ELFN2: variants seen among roughly 807,000 people sequenced by gnomAD.
ELFN2 encodes the protein protein phosphatase 1 regulatory subunit 29.
In ELFN2, 17 loss-of-function variants were observed where a neutral mutation model predicts 45.5. That is an observed-to-expected ratio of 0.37 (90% CI 0.26 to 0.56). The LOEUF is 0.56. Among genes scored for constraint, ELFN2 ranks in the 20% least tolerant of loss-of-function variants. The pLI, the probability that ELFN2 is intolerant of heterozygous loss-of-function variation, is 0.77. For missense variants in ELFN2, 922 were observed against 1,183.2 expected (o/e 0.78, Z 3.24); for synonymous variants, 550 against 551.5 (o/e 1.00, Z 0.04).
At chr22:37,423,170 C>T (rs962032733) in intron 1 of ELFN2, among the ~76,000 whole-genome samples, 15 of 152,148 alleles carry the variant, frequency 9.9e-5, no homozygotes, top group African/African-American at 4.8e-5. Flanking sequence ...GTTCGAGGCA[C>T]TGTGGGAGGG....
Position 37,373,355 on chromosome 22 carries a change from C to T in ELFN2, c.2180G>A (p.Arg727His), listed in dbSNP as rs1287690574. The change falls in exon 3 of 3, where the codon CGC becomes CAC. Residue 727 changes from arginine to histidine, a missense_variant. By Grantham distance (29) the Arg-to-His change is conservative. Coordinates refer to ENST00000402918, the MANE Select transcript of ELFN2 (RefSeq NM_052906.5). ...GGTCAGCGGCTTGAGGAAGGACACG[C>T]GCTGGCTCAGGCTGTCGGCACCCTC... ...YEEGADSLSQ[R>H]VSFLKPLTRS... is the part of the protein sequence containing the mutation. 6.8e-6 allele frequency: 11 copies of T among 1,613,024 alleles called. No individual in the cohort carries two copies. Among genetic ancestry groups the T allele is most frequent in the African/African-American group, 4.0e-5 (3 of 74,922 alleles).
intron 2 of ELFN2, among the ~76,000 whole-genome samples, chr22:37,377,388 G>A (rs1259152556): frequency 6.6e-6 from 1 of 152,172 alleles, no homozygotes; most frequent in Non-Finnish European, 1.5e-5. Flanking sequence ...AGAAATCCAC[G>A]TTTGGACACA....
chr22:37,381,023 G>T (rs188829804), intron 2 of ELFN2, among the ~76,000 whole-genome samples: 13 of 152,290 alleles, frequency 8.5e-5, no homozygotes, highest in Non-Finnish European at 1.5e-4. Context: ...CATAGATGGT[G>T]CGGGGAAGGG....
intron 1 of ELFN2, among the ~76,000 whole-genome samples, chr22:37,350,713 T>C (rs1416176351): frequency 6.6e-6 from 1 of 150,568 alleles, no homozygotes; most frequent in East Asian, 1.9e-4. Flanking sequence ...GGCAGAATTG[T>C]GTCAGGAGTG....
intron 1 of ELFN2, among the ~76,000 whole-genome samples, chr22:37,419,541 G>A (rs1932793355): frequency 6.6e-6 from 1 of 151,988 alleles, no homozygotes; most frequent in South Asian, 2.1e-4. Context: ...CCACGCTGGT[G>A]CCAAAATGCA....
At chr22:37,413,259 C>A (rs1248941338) in intron 2 of ELFN2, among the ~76,000 whole-genome samples, 1 of 152,086 alleles carries the variant, frequency 6.6e-6, no homozygotes, top group African/African-American at 2.4e-5. Flanking sequence ...AATGACCTGT[C>A]CCAGGCACTT....
chr22:37,377,446 C>T (rs1013093435), intron 2 of ELFN2, among the ~76,000 whole-genome samples: 1 of 152,250 alleles, frequency 6.6e-6, no homozygotes. Context: ...CTCTCTCCTC[C>T]TCCTCCTCCT....
rs961897840 is a variant in ELFN2 at position 37,417,513 on chromosome 22, G to A, written c.-463+256C>T. Among the ~76,000 whole-genome samples the A allele has an allele frequency of 2.0e-4, 30 of 152,168 alleles. No homozygotes were observed. The highest frequency in any genetic ancestry group is 1.2e-3 in the Admixed American group (19 of 15,282). The stretch of plus-strand genomic sequence containing the variant: ...GGAGCTGGGGTCCTTGAGCCAACAG[G>A]GGCTTCCTGCCCACCCTCCCCAGTG... On this transcript the variant is annotated intron_variant, in intron 2 of 2. Coordinates refer to ENST00000402918, the MANE Select transcript of ELFN2 (RefSeq NM_052906.5). The surrounding 1 kb of genome is among the most constrained non-coding windows in gnomAD (Gnocchi z 4.5).
At chr22:37,349,784 C>T (rs1020165555) in intron 1 of ELFN2, among the ~76,000 whole-genome samples, 3 of 151,174 alleles carry the variant, frequency 2.0e-5, no homozygotes, top group Admixed American at 6.6e-5. Flanking sequence ...GTTGTGCCCA[C>T]GGAAGTTAAG....
At chr22:37,411,054 C>T (rs748080851) in intron 2 of ELFN2, among the ~76,000 whole-genome samples, 2 of 152,206 alleles carry the variant, frequency 1.3e-5, no homozygotes, top group East Asian at 1.9e-4. Flanking sequence ...CCTGACTGCA[C>T]GCCAGGCGTA....
intron 2 of ELFN2, among the ~76,000 whole-genome samples, chr22:37,405,089 C>CTTTTTTTTTTTTTTT (rs1491573989): frequency 8.2e-6 from 1 of 121,534 alleles, no homozygotes; most frequent in Non-Finnish European, 1.6e-5. Flanking sequence ...TGAACCTCAG[C>CTTTTTTTTTTTTTTT]ATTTTTTTTT....
chr22:37,403,329 A>G (rs5756670), intron 2 of ELFN2, among the ~76,000 whole-genome samples: 76,562 of 151,774 alleles, frequency 0.5, 20,079 homozygotes, highest in African/African-American at 0.65. Context: ...CCACCTTCCC[A>G]ATTTAGGAGG....
intron 2 of ELFN2, among the ~76,000 whole-genome samples, chr22:37,399,237 T>A (rs1932298999): frequency 6.6e-6 from 1 of 152,010 alleles, no homozygotes; most frequent in Non-Finnish European, 1.5e-5. Context: ...GTGCTACTTC[T>A]CAGGCAGGAC....
chr22:37,397,225 G>C (rs572083622), intron 2 of ELFN2, among the ~76,000 whole-genome samples: 31 of 152,318 alleles, frequency 2.0e-4, no homozygotes, highest in African/African-American at 7.2e-4. Flanking sequence ...GTCCCCTCCA[G>C]AGGGCCAGGA....
chr22:37,371,014 G>A lies in ELFN2; in HGVS notation c.*2058C>T, dbSNP rs944928639. On this transcript the variant is annotated 3_prime_UTR_variant, in exon 3 of 3. Transcript: ENST00000402918. This position sits in a 1 kb window ranked among gnomAD's most constrained non-coding sequence, Gnocchi z 6.4. ...GGGGCCGGGGGAGGAGGTCTGCTCCGCGTATCCATGCCGCCCCCTCCCCTC... is the reference window on the plus strand; with the variant it reads ...GGGGCCGGGGGAGGAGGTCTGCTCCACGTATCCATGCCGCCCCCTCCCCTC... 2.0e-5 allele frequency: 3 copies of A among 152,306 alleles called. No homozygotes were observed. Among genetic ancestry groups the A allele is most frequent in the African/African-American group, 4.8e-5 (2 of 41,402 alleles). The allele number at this position is 152,306 out of a possible 1,614,324, so 9.4% of individuals were successfully genotyped here.
rs1248565838 is a variant in ELFN2 at position 37,417,357 on chromosome 22, G to T, written c.-463+412C>A. On this transcript the variant is annotated intron_variant, in intron 2 of 2. Coordinates refer to ENST00000402918, the MANE Select transcript of ELFN2 (RefSeq NM_052906.5). The surrounding 1 kb of genome is among the most constrained non-coding windows in gnomAD (Gnocchi z 4.5). The stretch of plus-strand genomic sequence containing the variant: ...AATGGACAGACCCCCACCTGAGCGA[G>T]ACCCCCACCATGTTGTCCCAGGCCT... 1.3e-5 allele frequency among the ~76,000 whole-genome samples: 2 copies of T among 152,178 alleles called. No individual in the cohort carries two copies. The highest frequency in any genetic ancestry group is 2.9e-5 in the Non-Finnish European group (2 of 68,030).
At position 37,374,587 on chromosome 22, in the gene ELFN2, TG is replaced by T; in HGVS notation, c.947del (p.Pro316HisfsTer22). Reference sequence around the variant, plus strand: ...GGATGTACATCTTGCTGTAGGGGTGTGGGATGATGACCACCAGGGTGGCCGA... The same window carrying T: ...GGATGTACATCTTGCTGTAGGGGTGTGGATGATGACCACCAGGGTGGCCGA... ...FTSATLVVII[P>X]HPYSKMYILV... On this transcript the variant is annotated frameshift_variant, in exon 3 of 3. Transcript: ENST00000402918. LOFTEE classifies it high-confidence loss of function. The T allele has an allele frequency of 6.2e-7, 1 of 1,614,128 alleles. No homozygotes were observed. The highest frequency in any genetic ancestry group is 8.5e-7 in the Non-Finnish European group (1 of 1,180,008).
At chr22:37,389,361 C>T (rs55838858) in intron 2 of ELFN2, among the ~76,000 whole-genome samples, 1 of 152,132 alleles carries the variant, frequency 6.6e-6, no homozygotes, top group East Asian at 1.9e-4. Context: ...CCTCGCAACC[C>T]TATGGAATTG....
At chr22:37,344,490 C>T (rs1294282314) in intron 1 of ELFN2, among the ~76,000 whole-genome samples, 1 of 152,012 alleles carries the variant, frequency 6.6e-6, no homozygotes, top group Admixed American at 6.5e-5. Flanking sequence ...AGGCTCAGGG[C>T]ACCCAGAGGC....
Sources: gnomAD v4.1 joint callset for allele counts (sites outside exome capture counted in the v4.1 genomes callset) on GRCh38, gnomAD v4.1.1 for gene constraint, Gnocchi (gnomAD v3.1) non-coding constraint, MANE v1.5 for transcripts, NCBI Gene and HGNC (gene_info 2026-07-23, HGNC 2026-07-21) for gene names.